Variants in SMCHD1 observed in about 807,000 individuals in gnomAD.
SMCHD1 encodes the protein structural maintenance of chromosomes flexible hinge domain containing 1, also known as structural maintenance of chromosomes flexible hinge domain-containing protein 1.
Under a neutral mutation model 254.7 loss-of-function variants are expected in SMCHD1, and 78 were observed. That is an observed-to-expected ratio of 0.31 (90% CI 0.26 to 0.37). The LOEUF (loss-of-function observed/expected upper bound fraction) is 0.37, where lower values mean the gene tolerates loss of function less well. Ranked by LOEUF, SMCHD1 falls within the 10% of genes least tolerant of loss-of-function variation. The pLI is 1.00. For missense variants in SMCHD1, 1,840 were observed against 2,408.1 expected, an observed-to-expected ratio of 0.76 and a Z score of 4.94; for synonymous variants, 766 against 794.9, an observed-to-expected ratio of 0.96 and a Z score of 0.61.
chr18:2,785,073 G>A (rs1426961405), intron 45 of SMCHD1: 1 of 286,114 alleles, frequency 3.5e-6, no homozygotes, highest in Non-Finnish European at 6.8e-6. Flanking sequence ...ATTAGAAAGT[G>A]TATGACATGT....
rs142961164 is a variant in SMCHD1 at position 2,682,723 on chromosome 18, G to C, written c.639-5671G>C. 1.5e-3 allele frequency among the ~76,000 whole-genome samples: 234 copies of C among 152,292 alleles called. 2 individuals carry two copies. Among genetic ancestry groups the C allele is most frequent in the African/African-American group, 5.3e-3 (221 of 41,554 alleles). ...TCATTGTATGAAGATTATGAATTAAGATATTTTCTGAAATATTTTTGGACT... is the reference window on the plus strand; with the variant it reads ...TCATTGTATGAAGATTATGAATTAACATATTTTCTGAAATATTTTTGGACT... On this transcript the variant is annotated intron_variant, in intron 5 of 47. Coordinates refer to ENST00000320876, the MANE Select transcript of SMCHD1 (RefSeq NM_015295.3).
At chr18:2,709,228 A>ACATGTGTG (rs1555635605) in intron 17 of SMCHD1, among the ~76,000 whole-genome samples, 1 of 108,910 alleles carries the variant, frequency 9.2e-6, no homozygotes, top group Admixed American at 9.9e-5. Flanking sequence ...ATATGTGTAT[A>ACATGTGTG]TGTGTATATA....
Position 2,668,240 on chromosome 18 carries a change from ACT to A in SMCHD1, c.424+1212_424+1213del, listed in dbSNP as rs1039164765. On this transcript the variant is annotated intron_variant, in intron 3 of 47. Coordinates refer to ENST00000320876, the MANE Select transcript of SMCHD1 (RefSeq NM_015295.3). ...TTTAATTGTGTTATGGTTACAAATG[ACT>A]CTGAATGTTCTTGTGACTAAATCTG... Among the ~76,000 whole-genome samples the A allele has an allele frequency of 8.4e-4, 128 of 152,042 alleles. 2 individuals carry two copies. The highest frequency in any genetic ancestry group is 6.2e-4 in the Non-Finnish European group (42 of 68,000).
At position 2,772,344 on chromosome 18, in the gene SMCHD1, C is replaced by T; in HGVS notation, c.5147C>T (p.Thr1716Ile). 5 of 1,588,282 alleles carry T rather than the reference C, an allele frequency of 3.1e-6. No homozygotes were observed. Among genetic ancestry groups the T allele is most frequent in the Non-Finnish European group, 4.3e-6 (5 of 1,169,920 alleles). Reference protein sequence around the residue: ...PRRSCTLPNYTKGSGDVLGKI... With the variant: ...PRRSCTLPNYIKGSGDVLGKI... ...AGATCGTGTACTCTTCCAAACTATACTAAAGGCAGTGGAGATGTTTTGGGA... is the reference window on the plus strand; with the variant it reads ...AGATCGTGTACTCTTCCAAACTATATTAAAGGCAGTGGAGATGTTTTGGGA... Residue 1716 changes from threonine (T) to isoleucine (I), a missense_variant, in exon 41 of 48, where the codon ACT (threonine) becomes ATT (isoleucine). Transcript: ENST00000320876.
At chr18:2,729,931 C>T (rs1202832432) in intron 24 of SMCHD1, among the ~76,000 whole-genome samples, 2 of 152,074 alleles carry the variant, frequency 1.3e-5, no homozygotes, top group African/African-American at 4.8e-5. Context: ...CCAGTCTGAT[C>T]TCAACTTCCT....
At chr18:2,751,146 AATTGT>A (rs1445977593) in intron 32 of SMCHD1, 127 bp from the exon 33 acceptor site, 2 of 562,522 alleles carry the variant, frequency 3.6e-6, no homozygotes, top group Non-Finnish European at 6.1e-6. Context: ...TCTTCATCAG[AATTGT>A]ATTAACATTT....
intron 17 of SMCHD1, among the ~76,000 whole-genome samples, chr18:2,717,722 CTCTT>C (rs1052684708): frequency 2.6e-5 from 4 of 152,140 alleles, no homozygotes; most frequent in African/African-American, 9.7e-5. Context: ...GCTTTTCTCT[CTCTT>C]TCTCCCTCTT....
At chr18:2,770,832 G>A (rs1023569143) in intron 39 of SMCHD1, among the ~76,000 whole-genome samples, 1 of 151,988 alleles carries the variant, frequency 6.6e-6, no homozygotes, top group Non-Finnish European at 1.5e-5. Context: ...TGTTGGCCGG[G>A]CTGGTCTCGA....
intron 45 of SMCHD1, among the ~76,000 whole-genome samples, chr18:2,790,088 C>T (rs1039493942): frequency 5.9e-5 from 9 of 152,068 alleles, no homozygotes; most frequent in South Asian, 2.1e-4. Context: ...AGGCTGAGGC[C>T]GGAGAATTGC....
intron 5 of SMCHD1, among the ~76,000 whole-genome samples, chr18:2,686,639 G>T (rs1259200540): frequency 6.6e-6 from 1 of 152,018 alleles, no homozygotes; most frequent in Non-Finnish European, 1.5e-5. Flanking sequence ...TGTGTATTGT[G>T]TGAGGTGTTT....
intron 5 of SMCHD1, among the ~76,000 whole-genome samples, chr18:2,686,801 G>T (rs1434679101): frequency 3.3e-5 from 5 of 152,006 alleles, no homozygotes; most frequent in Non-Finnish European, 2.9e-5. Flanking sequence ...TGTATCTCTG[G>T]TATTACAGTG....
At chr18:2,709,167 C>T (rs1598348217) in intron 17 of SMCHD1, among the ~76,000 whole-genome samples, 2 of 149,298 alleles carry the variant, frequency 1.3e-5, no homozygotes, top group Admixed American at 1.3e-4. Flanking sequence ...CATAGTGTGT[C>T]AGAATTCCCA....
chr18:2,684,669 TTTC>T (rs2073999256), intron 5 of SMCHD1, among the ~76,000 whole-genome samples: 1 of 151,112 alleles, frequency 6.6e-6, no homozygotes, highest in African/African-American at 2.4e-5. Context: ...TTGTTCCCAT[TTTC>T]TTTTTTTTCC....
At chr18:2,775,680 C>T (rs2076055259) in intron 41 of SMCHD1, 54 bp from the exon 42 acceptor site, 4 of 1,431,418 alleles carry the variant, frequency 2.8e-6, no homozygotes, top group Non-Finnish European at 3.7e-6. Flanking sequence ...AACATAATAT[C>T]AAATTTTTAT....
intron 5 of SMCHD1, among the ~76,000 whole-genome samples, chr18:2,678,507 A>G (rs893666951): frequency 1.2e-4 from 18 of 151,966 alleles, no homozygotes; most frequent in African/African-American, 4.1e-4. Context: ...AGTAGAGACG[A>G]GGTTTCACCA....
At chr18:2,743,325 G>T (rs994849151) in intron 28 of SMCHD1, among the ~76,000 whole-genome samples, 1 of 152,020 alleles carries the variant, frequency 6.6e-6, no homozygotes, top group Non-Finnish European at 1.5e-5. Flanking sequence ...GTAAAGAAGG[G>T]GATAGATAGT....
At chr18:2,790,011 G>A (rs888289236) in intron 45 of SMCHD1, among the ~76,000 whole-genome samples, 26 of 151,864 alleles carry the variant, frequency 1.7e-4, no homozygotes, top group Middle Eastern at 3.4e-3. Flanking sequence ...GTGAAACCCC[G>A]TCTCTACTAA....
rs773078051 is a variant in SMCHD1 at position 2,739,443 on chromosome 18, A to G, written c.3437A>G (p.Asp1146Gly). 16 of 1,613,116 alleles carry G rather than the reference A, an allele frequency of 9.9e-6. No individual in the cohort carries two copies. Among genetic ancestry groups the G allele is most frequent in the Non-Finnish European group, 1.4e-5 (16 of 1,179,380 alleles). The change falls in exon 27 of 48, where the codon GAT becomes GGT. Residue 1146 changes from aspartate (D) to glycine (G), a missense_variant. By Grantham distance (94) the Asp-to-Gly change is moderately conservative. This residue lies in a region of SMCHD1 where 881 missense variants were observed against 1,009.5 expected (regional missense o/e 0.87). Transcript: ENST00000320876. ...ESAFTVRPLP[D>G]EPKHLKCEMK... is the part of the protein sequence containing the mutation. The stretch of plus-strand genomic sequence containing the variant: ...TTAAACAATTTCAGACCACTTCCTG[A>G]TGAACCTAAACATTTAAAATGTGAA...
At chr18:2,708,873 T>TAG (rs1423469337) in intron 17 of SMCHD1, among the ~76,000 whole-genome samples, 1 of 34,774 alleles carries the variant, frequency 2.9e-5, no homozygotes, top group Non-Finnish European at 5.0e-5. Flanking sequence ...ACTTCATATA[T>TAG]ATATATATAT....
Sources: allele counts gnomAD v4.1 joint callset (sites outside exome capture counted in the v4.1 genomes callset), GRCh38; gene constraint gnomAD v4.1.1; regional missense constraint gnomAD v4.1.1; transcripts MANE v1.5; gene names NCBI Gene and HGNC (gene_info 2026-07-23, HGNC 2026-07-21).